Variants in ASB3 observed in about 807,000 individuals in gnomAD.
ASB3 encodes ankyrin repeat and SOCS box containing 3, also known as ankyrin repeat and SOCS box protein 3.
Under a neutral mutation model 54.5 loss-of-function variants are expected in ASB3, and 41 were observed. That is an observed-to-expected ratio of 0.75 (90% CI 0.59 to 0.98). The LOEUF is 0.98. Among genes scored for constraint, ASB3 ranks in the 50% least tolerant of loss-of-function variants. The pLI is 0.00. For missense variants in ASB3, 733 were observed against 620.0 expected, an observed-to-expected ratio of 1.18 and a Z score of -1.94; for synonymous variants, 266 against 221.2, an observed-to-expected ratio of 1.20 and a Z score of -1.80.
chr2:53,755,360 T>A (rs1267184687), intron 2 of ASB3, among the ~76,000 whole-genome samples: 2 of 152,246 alleles, frequency 1.3e-5, no homozygotes, highest in African/African-American at 4.8e-5. Flanking sequence ...TATTACTTCT[T>A]ATAAAAGTGG....
chr2:53,743,164 CTTTTT>C (rs60857484), intron 3 of ASB3, among the ~76,000 whole-genome samples: 1 of 117,860 alleles, frequency 8.5e-6, no homozygotes, highest in Admixed American at 8.7e-5. Flanking sequence ...ATTTTTTTAC[CTTTTT>C]TTTTTTTTTT....
At chr2:53,691,267 G>A (rs1668896315) in intron 9 of ASB3, among the ~76,000 whole-genome samples, 4 of 152,082 alleles carry the variant, frequency 2.6e-5, no homozygotes, top group Admixed American at 2.6e-4. Context: ...AAAAAGGGGA[G>A]GAAAGAATAA....
At chr2:53,761,076 G>C (rs2104066861) in intron 2 of ASB3, among the ~76,000 whole-genome samples, 1 of 152,236 alleles carries the variant, frequency 6.6e-6, no homozygotes, top group African/African-American at 2.4e-5. Context: ...AACAGCACTT[G>C]GGTTTTACTG....
chr2:53,670,428 C>G lies in ASB3; in HGVS notation c.*75G>C. 6.9e-7 allele frequency: 1 copy of G among 1,454,528 alleles called. No individual in the cohort carries two copies. Among genetic ancestry groups the G allele is most frequent in the Non-Finnish European group, 9.2e-7 (1 of 1,088,826 alleles). 90.1% of individuals were successfully genotyped at this position (1,454,528 alleles called of 1,614,324 possible). A position where few individuals can be genotyped will look rare whatever the true frequency, so the allele number is the denominator to read the frequency against. ...TCTTTTGACTATAAAATCATAAAAA[C>G]TTGTACTCTGTGGCTCTTTTGTCTC... On this transcript the variant is annotated 3_prime_UTR_variant, in exon 10 of 10. Coordinates refer to ENST00000263634, the MANE Select transcript of ASB3 (RefSeq NM_016115.5).
intron 1 of ASB3, among the ~76,000 whole-genome samples, chr2:53,782,040 G>A (rs1020478104): frequency 6.6e-6 from 1 of 152,134 alleles, no homozygotes; most frequent in Non-Finnish European, 1.5e-5. Flanking sequence ...TAGGCAGGCT[G>A]GTGCACACCT....
chr2:53,733,847 G>C (rs1438860769), intron 3 of ASB3, among the ~76,000 whole-genome samples: 3 of 152,322 alleles, frequency 2.0e-5, no homozygotes, highest in African/African-American at 7.2e-5. Context: ...GCCTTGAACA[G>C]AGATTTACCC....
intron 1 of ASB3, chr2:53,771,771 A>G (rs1159223315): frequency 1.5e-6 from 1 of 681,748 alleles, no homozygotes; most frequent in Non-Finnish European, 2.6e-6. Context: ...ATCATAAAAA[A>G]TAACTATGCT....
intron 1 of ASB3, among the ~76,000 whole-genome samples, chr2:53,780,099 G>A (rs1256912768): frequency 3.3e-5 from 5 of 152,124 alleles, no homozygotes; most frequent in Middle Eastern, 3.4e-3. Flanking sequence ...TCCAATACAC[G>A]CTCTACTGTG....
intron 5 of ASB3, among the ~76,000 whole-genome samples, chr2:53,718,378 GA>G (rs1670515578): frequency 6.6e-6 from 1 of 152,170 alleles, no homozygotes; most frequent in South Asian, 2.1e-4. Flanking sequence ...TTCTTAAAGA[GA>G]GGACACTACA....
chr2:53,738,130 T>C (rs1376717792), intron 3 of ASB3, among the ~76,000 whole-genome samples: 12 of 152,198 alleles, frequency 7.9e-5, no homozygotes, highest in Admixed American at 7.2e-4. Flanking sequence ...CTAAGCCTGA[T>C]AGTGTAGAGG....
intron 3 of ASB3, among the ~76,000 whole-genome samples, chr2:53,734,240 T>G (rs1558547843): frequency 6.6e-6 from 1 of 152,196 alleles, no homozygotes; most frequent in African/African-American, 2.4e-5. Context: ...ACTTCGCAGT[T>G]TGTTCCTCAT....
intron 3 of ASB3, among the ~76,000 whole-genome samples, chr2:53,742,986 A>T (rs551493982): frequency 6.6e-6 from 1 of 152,158 alleles, no homozygotes; most frequent in Non-Finnish European, 1.5e-5. Flanking sequence ...GACAAGCAAA[A>T]GTATTGTCAC....
At chr2:53,696,295 C>T (rs1023832122) in intron 8 of ASB3, among the ~76,000 whole-genome samples, 2 of 152,150 alleles carry the variant, frequency 1.3e-5, no homozygotes, top group South Asian at 4.1e-4. Flanking sequence ...TTTACTAGTT[C>T]TTAATTCTTT....
chr2:53,721,885 A>G (rs1670732873), intron 5 of ASB3, among the ~76,000 whole-genome samples: 1 of 152,124 alleles, frequency 6.6e-6, no homozygotes, highest in South Asian at 2.1e-4. Flanking sequence ...AATCCATACA[A>G]AGGATCAATG....
chr2:53,672,819 C>G (rs1217998313), intron 9 of ASB3, among the ~76,000 whole-genome samples: 1 of 151,998 alleles, frequency 6.6e-6, no homozygotes. Flanking sequence ...GGTTTTTTTG[C>G]TTTCAGTTGT....
At chr2:53,762,735 A>C (rs1332048040) in intron 2 of ASB3, among the ~76,000 whole-genome samples, 2 of 152,228 alleles carry the variant, frequency 1.3e-5, no homozygotes, top group Non-Finnish European at 2.9e-5. Context: ...CCAACCTCCA[A>C]TACAGGAGAG....
chr2:53,726,098 T>C (rs1442611043), intron 5 of ASB3, among the ~76,000 whole-genome samples: 2 of 151,840 alleles, frequency 1.3e-5, no homozygotes, highest in Admixed American at 6.6e-5. Flanking sequence ...ATGATAAACA[T>C]ACCTACATAC....
At chr2:53,700,164 T>G (rs1669407648) in intron 8 of ASB3, 107 bp downstream of exon 8, 2 of 1,505,180 alleles carry the variant, frequency 1.3e-6, no homozygotes, top group Admixed American at 2.3e-5. Flanking sequence ...GCCATCACAG[T>G]CAAAACACAG....
intron 1 of ASB3, among the ~76,000 whole-genome samples, chr2:53,772,493 A>T (rs1674013466): frequency 6.6e-6 from 1 of 152,024 alleles, no homozygotes; most frequent in African/African-American, 2.4e-5. Flanking sequence ...TTTTAAAAAC[A>T]AGTTTATTAA....
Sources: allele counts gnomAD v4.1 joint callset (sites outside exome capture counted in the v4.1 genomes callset), GRCh38; gene constraint gnomAD v4.1.1; transcripts MANE v1.5; gene names NCBI Gene and HGNC (gene_info 2026-07-23, HGNC 2026-07-21).